SELENOO: variants seen among roughly 807,000 people sequenced by gnomAD.
The protein encoded by SELENOO is selenoprotein O.
SELENOO carries 74 observed loss-of-function variants against 58.7 expected under a neutral mutation model. That is an observed-to-expected ratio of 1.26 (90% confidence interval 1.04 to 1.53). The LOEUF (loss-of-function observed/expected upper bound fraction) is 1.53. Among genes scored for constraint, SELENOO ranks in the 40% most tolerant of loss-of-function variants. The probability of loss-of-function intolerance (pLI) is 0.00; values close to 1 mark genes in which losing one functional copy is unlikely to be tolerated. For missense variants in SELENOO, 1,149 were observed against 970.0 expected (o/e 1.18, Z -2.45); for synonymous variants, 543 against 453.2 (o/e 1.20, Z -2.52).
chr22:50,207,578 T>G (rs955245923), intron 2 of SELENOO, among the ~76,000 whole-genome samples: 1 of 150,736 alleles, frequency 6.6e-6, no homozygotes, highest in Non-Finnish European at 1.5e-5. Flanking sequence ...TGGCTTTTCC[T>G]GTCCTGCAGG....
chr22:50,217,054 A>T lies in SELENOO; in HGVS notation c.1771A>T (p.Asn591Tyr). Residue 591 changes from asparagine (N) to tyrosine (Y), a missense_variant, in exon 8 of 9, where the codon AAC becomes TAC. Asn to Tyr is a moderately radical substitution (Grantham distance 143, BLOSUM62 -2). Transcript: ENST00000380903. ...GCACGTGCGCGTGATGCACGCCAAC[A>T]ACCCGAAGTACGTGCTGAGGAACTA... is the stretch of plus-strand genomic sequence containing the variant. ...AEHVRVMHAN[N>Y]PKYVLRNYIA... 6.2e-7 allele frequency: 1 copy of T among 1,612,736 alleles called. No homozygotes were observed. The highest frequency in any genetic ancestry group is 8.5e-7 in the Non-Finnish European group (1 of 1,179,954).
In SELENOO at chr22:50,206,528, C is replaced by T. The variant is rs148307279; in HGVS notation, c.758+8C>T. ...AGCTTCCACTTTCATAAGGTAATGC[C>T]GGGGGCCTTTCGGCCTGTCTACACG... On this transcript the variant is annotated splice_region_variant and intron_variant, in intron 2 of 8. Coordinates refer to ENST00000380903, the MANE Select transcript of SELENOO (RefSeq NM_031454.2). 44 of 1,609,972 alleles carry T rather than the reference C, an allele frequency of 2.7e-5. 2 individuals carry two copies. The South Asian group carries it at 3.5e-4, about 13-fold the overall frequency.
intron 4 of SELENOO, 124 bp downstream of exon 4, chr22:50,210,435 T>C (rs908909619): frequency 9.4e-6 from 13 of 1,385,946 alleles, no homozygotes; most frequent in Non-Finnish European, 1.3e-5. Flanking sequence ...GGCTGGGGGC[T>C]GATGTAGGAA....
Position 50,216,236 on chromosome 22 carries a change from G to A in SELENOO, c.1502+369G>A, listed in dbSNP as rs533352258. 9.2e-5 allele frequency among the ~76,000 whole-genome samples: 14 copies of A among 152,368 alleles called. No individual in the cohort carries two copies. The South Asian group carries it at 2.1e-3, about 23-fold the overall frequency. On this transcript the variant is annotated intron_variant, in intron 6 of 8. Transcript: ENST00000380903. Reference sequence around the variant, plus strand: ...GTCCCGCCCACGTGCAGGATGAGACGTGGAAAATATTGTTGCTTTAACTTA... The same window carrying A: ...GTCCCGCCCACGTGCAGGATGAGACATGGAAAATATTGTTGCTTTAACTTA...
In SELENOO at chr22:50,217,116, G is replaced by A. The variant is rs2064422492; in HGVS notation, c.1833G>A (p.Gly611=). ...AQNAIEAAER[G]DFSEVRRVLK... ...ATGCCATCGAGGCTGCCGAGCGCGG[G>A]GACTTCTCAGAGGCAAGCACACGCC... The change falls in exon 8 of 9, where the codon GGG becomes GGA. Residue 611 remains glycine, a synonymous_variant. Coordinates refer to ENST00000380903, the MANE Select transcript of SELENOO (RefSeq NM_031454.2). The A allele has an allele frequency of 1.2e-6, 2 of 1,612,964 alleles. No individual in the cohort carries two copies. The highest frequency in any genetic ancestry group is 1.7e-6 in the Non-Finnish European group (2 of 1,179,898).
chr22:50,206,523 A>G lies in SELENOO; in HGVS notation c.758+3A>G. The G allele has an allele frequency of 4.3e-6, 7 of 1,611,892 alleles. No homozygotes were observed. The highest frequency in any genetic ancestry group is 1.3e-5 in the African/African-American group (1 of 74,998). ...CGTGTAGCTTCCACTTTCATAAGGT[A>G]ATGCCGGGGGCCTTTCGGCCTGTCT... On this transcript the variant is annotated splice_donor_region_variant and intron_variant, in intron 2 of 8. Coordinates refer to ENST00000380903, the MANE Select transcript of SELENOO (RefSeq NM_031454.2).
chr22:50,206,476 T>A lies in SELENOO; in HGVS notation c.714T>A (p.Tyr238Ter). 1 of 1,614,174 alleles carries A rather than the reference T, an allele frequency of 6.2e-7. No individual in the cohort carries two copies. Among genetic ancestry groups the A allele is most frequent in the Non-Finnish European group, 8.5e-7 (1 of 1,180,030 alleles). The change falls in exon 2 of 9, where the codon TAT becomes TAA. Residue 238 changes from tyrosine (Y) to a stop codon, truncating the protein, a stop_gained. Transcript: ENST00000380903. LOFTEE classifies it high-confidence loss of function. ...TGTTCTATGATGGTAATCCCAAATATGAACAATGCACGGTTGTGTTGCGTG... is the reference window on the plus strand; with the variant it reads ...TGTTCTATGATGGTAATCCCAAATAAGAACAATGCACGGTTGTGTTGCGTG... ...RDVFYDGNPK[Y>*]EQCTVVLRVA...
intron 1 of SELENOO, among the ~76,000 whole-genome samples, chr22:50,204,676 C>T (rs1033690394): frequency 6.6e-6 from 1 of 151,520 alleles, no homozygotes; most frequent in African/African-American, 2.4e-5. Flanking sequence ...GAAATTGGAA[C>T]CCTTCTGCAC....
rs1190197658 is a variant in SELENOO, at chr22:50,217,572, TG to T, written c.*208del. On this transcript the variant is annotated 3_prime_UTR_variant, in exon 9 of 9. Transcript: ENST00000380903. ...CGGCTCAGCAGTGCAGCCTGGTCCC[TG>T]GGGGCTGGACCCAGGCTCCTAAATA... The T allele has an allele frequency of 2.1e-6, 2 of 949,384 alleles. No homozygotes were observed. Among genetic ancestry groups the T allele is most frequent in the Non-Finnish European group, 3.1e-6 (2 of 645,628 alleles). The allele number at this position is 949,384 out of a possible 1,614,324, so 58.8% of individuals were successfully genotyped here. A position where few individuals can be genotyped will look rare whatever the true frequency, so the allele number is the denominator to read the frequency against.
chr22:50,201,036 G>T lies in SELENOO; in HGVS notation c.-1G>T. 7.8e-7 allele frequency: 1 copy of T among 1,274,612 alleles called. No homozygotes were observed. The highest frequency in any genetic ancestry group is 3.2e-5 in the East Asian group (1 of 31,338). The allele number at this position is 1,274,612 out of a possible 1,614,324, so 79.0% of individuals were successfully genotyped here. On this transcript the variant is annotated 5_prime_UTR_variant, in exon 1 of 9. Coordinates refer to ENST00000380903, the MANE Select transcript of SELENOO (RefSeq NM_031454.2). ...GGCTTCCGGCGGGAGCGGGGCCGCGGATGGCCGTATACAGGGCAGCGCTCG... is the reference window on the plus strand; with the variant it reads ...GGCTTCCGGCGGGAGCGGGGCCGCGTATGGCCGTATACAGGGCAGCGCTCG...
Position 50,215,741 on chromosome 22 carries a change from A to G in SELENOO, c.1376A>G (p.Tyr459Cys), listed in dbSNP as rs1456803462. Residue 459 changes from tyrosine (Y) to cysteine (C), a missense_variant, in exon 6 of 9, where the codon TAC becomes TGC. By Grantham distance (194) the Tyr-to-Cys change is radical. Transcript: ENST00000380903. ...GGTGCCGACTTCACAAACACCTTCT[A>G]CTTGCTGAGCTCCTTCCCAGTGGAG... ...LTGADFTNTF[Y>C]LLSSFPVELE... 7.5e-6 allele frequency: 12 copies of G among 1,604,800 alleles called. No individual in the cohort carries two copies. Among genetic ancestry groups the G allele is most frequent in the Non-Finnish European group, 9.4e-6 (11 of 1,174,242 alleles).
chr22:50,214,725 A>G (rs2064393995), intron 5 of SELENOO, among the ~76,000 whole-genome samples: 1 of 152,230 alleles, frequency 6.6e-6, no homozygotes, highest in South Asian at 2.1e-4. Flanking sequence ...AGATTGCGCC[A>G]CTGCACTCCA....
At chr22:50,213,913 G>C (rs970190916) in intron 5 of SELENOO, among the ~76,000 whole-genome samples, 5 of 152,154 alleles carry the variant, frequency 3.3e-5, no homozygotes, top group African/African-American at 1.2e-4. Flanking sequence ...CTCCCAAAGT[G>C]CTGGGATTAC....
chr22:50,211,047 C>T lies in SELENOO; in HGVS notation c.1351+136C>T, dbSNP rs2064368294. 5 of 876,298 alleles carry T rather than the reference C, an allele frequency of 5.7e-6. No homozygotes were observed. In the African/African-American group the frequency reaches 8.3e-5, roughly 15 times the overall value. The allele number at this position is 876,298 out of a possible 1,614,324, so 54.3% of individuals were successfully genotyped here. A position where few individuals can be genotyped will look rare whatever the true frequency, so the allele number is the denominator to read the frequency against. On this transcript the variant is annotated intron_variant, in intron 5 of 8. Transcript: ENST00000380903. Reference sequence around the variant, plus strand: ...CCCCAGCCCTGGCACCCCCATTCTACTCTCTGTCTTTATGAATTTGGTGAA... The same window carrying T: ...CCCCAGCCCTGGCACCCCCATTCTATTCTCTGTCTTTATGAATTTGGTGAA...
intron 1 of SELENOO, among the ~76,000 whole-genome samples, chr22:50,203,487 C>T (rs533735377): frequency 2.3e-4 from 35 of 152,306 alleles, no homozygotes; most frequent in African/African-American, 8.4e-4. Flanking sequence ...TACAAAGCCG[C>T]AGTCAGCAAA....
At chr22:50,214,580 GCAA>G (rs2064392831) in intron 5 of SELENOO, among the ~76,000 whole-genome samples, 1 of 152,092 alleles carries the variant, frequency 6.6e-6, no homozygotes, top group South Asian at 2.1e-4. Context: ...TCCAGCCTAG[GCAA>G]CAAGAGCAAG....
intron 3 of SELENOO, 174 bp downstream of exon 3, chr22:50,208,890 A>G (rs2064350182): frequency 3.2e-6 from 2 of 618,838 alleles, no homozygotes; most frequent in Admixed American, 6.2e-5. Context: ...GCCCTGGGAC[A>G]AACCTGAAAC....
Position 50,203,369 on chromosome 22 carries a change from C to G in SELENOO, c.554+1779C>G, listed in dbSNP as rs747311380. On this transcript the variant is annotated intron_variant, in intron 1 of 8. Coordinates refer to ENST00000380903, the MANE Select transcript of SELENOO (RefSeq NM_031454.2). ...CCAGCCTGGATGACAGAGTGAGACC[C>G]TGTCTCAAAAAGTAATACAATTCAT... is the stretch of plus-strand genomic sequence containing the variant. Among the ~76,000 whole-genome samples the G allele has an allele frequency of 1.4e-4, 21 of 152,150 alleles. 1 individual carries two copies. Among genetic ancestry groups the G allele is most frequent in the Non-Finnish European group, 2.2e-4 (15 of 68,026 alleles).
chr22:50,214,934 A>G (rs535318440), intron 5 of SELENOO, among the ~76,000 whole-genome samples: 2 of 152,294 alleles, frequency 1.3e-5, no homozygotes, highest in Admixed American at 6.5e-5. Flanking sequence ...CACTTTGCCA[A>G]TCTGCCTTTT....
Sources: gnomAD v4.1 joint callset for allele counts (sites outside exome capture counted in the v4.1 genomes callset) on GRCh38, gnomAD v4.1.1 for gene constraint, MANE v1.5 for transcripts, NCBI Gene and HGNC (gene_info 2026-07-23, HGNC 2026-07-21) for gene names.